The following GIT2 variants were observed in gnomAD, a reference collection of about 807,000 sequenced individuals.
GIT2 encodes the protein ARF GTPase-activating protein GIT2.
GIT2 carries 32 observed loss-of-function variants against 100.3 expected under a neutral mutation model. The observed-to-expected ratio is 0.32, with a 90% confidence interval of 0.24 to 0.43. The LOEUF is 0.43. Ranked by LOEUF, GIT2 falls within the 20% of genes least tolerant of loss-of-function variation. The pLI is 1.00. For synonymous variants in GIT2, 353 were observed against 364.1 expected, an observed-to-expected ratio of 0.97 and a Z score of 0.35; for missense variants, 737 against 975.1, an observed-to-expected ratio of 0.76 and a Z score of 3.25.
At chr12:109,977,550 G>A (rs1014901479) in intron 7 of GIT2, among the ~76,000 whole-genome samples, 7 of 151,810 alleles carry the variant, frequency 4.6e-5, no homozygotes, top group African/African-American at 1.7e-4. Context: ...CTGGCTGGGT[G>A]AGGTGGCTCA....
At chr12:109,975,662 C>T (rs1884856671) in intron 7 of GIT2, among the ~76,000 whole-genome samples, 1 of 151,778 alleles carries the variant, frequency 6.6e-6, no homozygotes, top group Non-Finnish European at 1.5e-5. Flanking sequence ...TTTGTTCTCC[C>T]CCTCCTCTTT....
intron 2 of GIT2, among the ~76,000 whole-genome samples, 200 bp downstream of exon 2, chr12:109,991,427 T>C (rs1304988323): frequency 6.6e-6 from 1 of 152,190 alleles, no homozygotes; most frequent in Non-Finnish European, 1.5e-5. Context: ...GAACAAGATT[T>C]ATGTCAAGTA....
In GIT2 at chr12:109,938,767, T is replaced by A. The variant is rs1404969890; in HGVS notation, c.1815-199A>T. On this transcript the variant is annotated intron_variant, in intron 17 of 19. Transcript: ENST00000355312. The stretch of plus-strand genomic sequence containing the variant: ...CTACCATAGGGCTGGAAGTGTTGAC[T>A]CTCACAGGAAGGGTGAAGGAGGGGA... 5.6e-6 allele frequency: 3 copies of A among 530,982 alleles called. No individual in the cohort carries two copies. In the East Asian group the frequency reaches 9.2e-5, roughly 16 times the overall value. 32.9% of individuals were successfully genotyped at this position (530,982 alleles called of 1,614,324 possible). A position where few individuals can be genotyped will look rare whatever the true frequency, so the allele number is the denominator to read the frequency against.
intron 17 of GIT2, 143 bp downstream of exon 17, chr12:109,939,022 G>A (rs1477489926): frequency 6.2e-6 from 4 of 642,902 alleles, no homozygotes; most frequent in African/African-American, 1.8e-5. Context: ...AACTACGAGC[G>A]TATGCTTGAA....
At chr12:109,956,708 C>T (rs1402783961) in intron 12 of GIT2, among the ~76,000 whole-genome samples, 2 of 152,000 alleles carry the variant, frequency 1.3e-5, no homozygotes, top group Admixed American at 6.6e-5. Context: ...TGGGGTTATA[C>T]AAAACCTTTT....
intron 12 of GIT2, among the ~76,000 whole-genome samples, chr12:109,957,427 T>C (rs1341090894): frequency 6.6e-6 from 1 of 152,138 alleles, no homozygotes; most frequent in Non-Finnish European, 1.5e-5. Flanking sequence ...CTTTACGAAC[T>C]ACCCAGTCTC....
chr12:109,947,527 G>A lies in GIT2; in HGVS notation c.1393-23C>T. On this transcript the variant is annotated intron_variant, in intron 14 of 19. Transcript: ENST00000355312. This position sits in a 1 kb window ranked among gnomAD's most constrained non-coding sequence, Gnocchi z 4.3. ...AAGCTGAAAGAAATGTTTGGCAGTG[G>A]GACTGTGTTTTTTTACAGCAAGCAG... 6.2e-7 allele frequency: 1 copy of A among 1,602,028 alleles called. No individual in the cohort carries two copies. The highest frequency in any genetic ancestry group is 8.5e-7 in the Non-Finnish European group (1 of 1,173,228).
intron 4 of GIT2, among the ~76,000 whole-genome samples, chr12:109,986,568 TC>T (rs1887425209): frequency 6.6e-6 from 1 of 152,086 alleles, no homozygotes; most frequent in Non-Finnish European, 1.5e-5. Context: ...ATCGGGACCA[TC>T]CTGGTTAACA....
At position 109,940,933 on chromosome 12, in the gene GIT2, C is replaced by A. The variant is rs533321453; in HGVS notation, c.1732-1686G>T. Among the ~76,000 whole-genome samples, 455 of 148,784 alleles carry A rather than the reference C, an allele frequency of 3.1e-3. 3 individuals carry two copies. The highest frequency in any genetic ancestry group is 8.5e-3 in the East Asian group (43 of 5,050). ...AACCAAAAAGAAAAAAAAAAAAAAA[C>A]CCCACAAAACTCTACATAAAGCCTG... On this transcript the variant is annotated intron_variant, in intron 16 of 19. Transcript: ENST00000355312.
At chr12:109,953,343 G>A in intron 12 of GIT2, 109 bp from the exon 13 acceptor site, 1 of 1,026,210 alleles carries the variant, frequency 9.7e-7, no homozygotes, top group South Asian at 1.4e-5. Context: ...TTAAAGGGCT[G>A]AATGCTGTGC....
rs183235038 is a variant in GIT2, at chr12:109,976,859, G to A, written c.718+4093C>T. 3.0e-3 allele frequency among the ~76,000 whole-genome samples: 462 copies of A among 152,312 alleles called. 3 individuals are homozygous for A. Among genetic ancestry groups the A allele is most frequent in the Middle Eastern group, 0.01 (3 of 294 alleles). ...CTGCCTCGGCCTGCCAAAGTGCTGG[G>A]ATTACAGGCTTGAGCTACTGCACCT... is the stretch of plus-strand genomic sequence containing the variant. On this transcript the variant is annotated intron_variant, in intron 7 of 19. Coordinates refer to ENST00000355312, the MANE Select transcript of GIT2 (RefSeq NM_057169.5).
Position 109,945,281 on chromosome 12 carries a change from C to T in GIT2, c.1710G>A (p.Ser570=), listed in dbSNP as rs1213299868. Reference sequence around the variant, plus strand: ...TAACCCTTCGGGCGCTTTCGTCCCTCGACCAGGAAAGTGTGGAGGGGAAGG... The same window carrying T: ...TAACCCTTCGGGCGCTTTCGTCCCTTGACCAGGAAAGTGTGGAGGGGAAGG... The part of the protein sequence containing the change: ...LPSFPSTLSW[S]RDESARRASR... Residue 570 remains serine (S), a synonymous_variant, in exon 16 of 20, where the codon TCG becomes TCA. Coordinates refer to ENST00000355312, the MANE Select transcript of GIT2 (RefSeq NM_057169.5). The T allele has an allele frequency of 5.7e-6, 9 of 1,571,902 alleles. No homozygotes were observed. Among genetic ancestry groups the T allele is most frequent in the South Asian group, 3.3e-5 (3 of 90,060 alleles).
intron 7 of GIT2, 82 bp downstream of exon 7, chr12:109,980,870 G>A (rs1279697240): frequency 2.4e-6 from 2 of 821,208 alleles, no homozygotes; most frequent in Non-Finnish European, 4.4e-6. Context: ...AGCAGAGGAG[G>A]TAATAACAAA....
At chr12:109,999,899 C>G, upstream of GIT2, 1 of 947,452 alleles carries the variant, frequency 1.1e-6, no homozygotes, top group Non-Finnish European at 1.5e-6. The surrounding 1 kb of genome is among the most constrained non-coding windows in gnomAD (Gnocchi z 4.3). Flanking sequence ...AGACCCCTTC[C>G]ACTTTGCAGG....
chr12:109,960,762 C>T (rs567138859), intron 11 of GIT2, among the ~76,000 whole-genome samples: 24 of 152,210 alleles, frequency 1.6e-4, no homozygotes, highest in Middle Eastern at 6.8e-3. Flanking sequence ...ATGAAAATCA[C>T]GTGCATAAAT....
At chr12:109,974,102 C>T (rs1481000981) in intron 7 of GIT2, among the ~76,000 whole-genome samples, 1 of 152,128 alleles carries the variant, frequency 6.6e-6, no homozygotes, top group Non-Finnish European at 1.5e-5. Flanking sequence ...GAATTTAATA[C>T]TATAAAGTTT....
In GIT2 at chr12:109,981,076, A is replaced by G. The variant is rs774752438; in HGVS notation, c.624-30T>C. On this transcript the variant is annotated intron_variant, in intron 6 of 19. Transcript: ENST00000355312. ...CAAGAGAAAACAAAGTACCATTTAT[A>G]TTGCTCACTATTCACTGACTTTAAA... is the stretch of plus-strand genomic sequence containing the variant. 4.4e-6 allele frequency: 6 copies of G among 1,372,282 alleles called. No homozygotes were observed. In the East Asian group the frequency reaches 9.1e-5, roughly 21 times the overall value. 85.0% of individuals were successfully genotyped at this position (1,372,282 alleles called of 1,614,324 possible).
intron 12 of GIT2, among the ~76,000 whole-genome samples, chr12:109,957,128 T>C (rs998617493): frequency 6.6e-6 from 1 of 152,166 alleles, no homozygotes; most frequent in Non-Finnish European, 1.5e-5. Context: ...TGATCCTCAG[T>C]GTTGGAGGGG....
chr12:109,932,982 T>G lies in GIT2; in HGVS notation c.2276A>C (p.Asn759Thr). ...LVTITTKENNN is the reference protein window; with the variant it reads ...LVTITTKENNT ...GGAGGCGGTGCCCTGCCCTTGTCAG[T>G]TGTTGTTCTCTTTGGTGGTGATGGT... Residue 759 changes from asparagine to threonine, a missense_variant, in exon 20 of 20, where the codon AAC becomes ACC. Asn to Thr is a moderately conservative substitution (Grantham distance 65). Transcript: ENST00000355312. 6.3e-7 allele frequency: 1 copy of G among 1,594,176 alleles called. No homozygotes were observed. Among genetic ancestry groups the G allele is most frequent in the Non-Finnish European group, 8.6e-7 (1 of 1,162,434 alleles).
Sources: allele counts gnomAD v4.1 joint callset (sites outside exome capture counted in the v4.1 genomes callset), GRCh38; gene constraint gnomAD v4.1.1; non-coding constraint Gnocchi (gnomAD v3.1); transcripts MANE v1.5; gene names NCBI Gene and HGNC (gene_info 2026-07-23, HGNC 2026-07-21).